The following MPDZ variants were observed in gnomAD, a reference collection of about 807,000 sequenced individuals.
MPDZ encodes the protein multiple PDZ domain protein.
A neutral mutation model predicts 239.1 loss-of-function variants in MPDZ; 234 were observed. The ratio of observed to expected loss-of-function variants is 0.98; its 90% CI spans 0.88 to 1.09. The LOEUF is 1.09. Ranked by LOEUF, MPDZ falls within the 50% of genes least tolerant of loss-of-function variation. The pLI is 0.00. For synonymous variants in MPDZ, 1,048 were observed against 881.3 expected, an observed-to-expected ratio of 1.19 and a Z score of -3.35; for missense variants, 3,175 against 2,510.0, an observed-to-expected ratio of 1.26 and a Z score of -5.66.
chr9:13,182,022 AGCATCAT>A (rs1209261149), intron 19 of MPDZ, among the ~76,000 whole-genome samples: 1 of 152,138 alleles, frequency 6.6e-6, no homozygotes, highest in Non-Finnish European at 1.5e-5. Flanking sequence ...GAGACTGCCC[AGCATCAT>A]TTGCAAGGAT....
At chr9:13,108,878 T>C in intron 46 of MPDZ, 58 bp downstream of exon 46, 1 of 1,559,832 alleles carries the variant, frequency 6.4e-7, no homozygotes, top group South Asian at 1.2e-5. Flanking sequence ...AGCCAGCTGC[T>C]GACCACTATT....
At chr9:13,167,682 C>T (rs1308028085) in intron 22 of MPDZ, among the ~76,000 whole-genome samples, 1 of 152,094 alleles carries the variant, frequency 6.6e-6, no homozygotes, top group Non-Finnish European at 1.5e-5. Context: ...AGGAAAATGC[C>T]ACATTGATGA....
chr9:13,232,490 A>G (rs1256748848), intron 3 of MPDZ, among the ~76,000 whole-genome samples: 2 of 152,060 alleles, frequency 1.3e-5, no homozygotes, highest in Non-Finnish European at 2.9e-5. Context: ...TTATTTATAA[A>G]CATACACATG....
At chr9:13,274,817 ACT>A (rs1349200964) in intron 1 of MPDZ, among the ~76,000 whole-genome samples, 1 of 152,226 alleles carries the variant, frequency 6.6e-6, no homozygotes, top group Non-Finnish European at 1.5e-5. Flanking sequence ...CTCAAAAACC[ACT>A]GAGACATTTA....
At chr9:13,226,575 G>C (rs1399218362) in intron 3 of MPDZ, among the ~76,000 whole-genome samples, 1 of 151,890 alleles carries the variant, frequency 6.6e-6, no homozygotes, top group Non-Finnish European at 1.5e-5. Flanking sequence ...TTTCATTCAG[G>C]TGTGCCTAAT....
intron 4 of MPDZ, among the ~76,000 whole-genome samples, chr9:13,224,032 CA>C (rs942979497): frequency 3.4e-5 from 5 of 148,284 alleles, no homozygotes; most frequent in East Asian, 2.0e-4. Context: ...AGGCATGTCT[CA>C]AAAAAAAACT....
chr9:13,156,505 C>T (rs1031269710), intron 24 of MPDZ, among the ~76,000 whole-genome samples: 1 of 152,114 alleles, frequency 6.6e-6, no homozygotes, highest in African/African-American at 2.4e-5. Flanking sequence ...TTGTGCAGGG[C>T]AACTCCCGTT....
intron 12 of MPDZ, among the ~76,000 whole-genome samples, chr9:13,203,171 A>G (rs961973480): frequency 2.0e-5 from 3 of 152,320 alleles, no homozygotes; most frequent in South Asian, 4.1e-4. Flanking sequence ...ATTAAAAATA[A>G]TAAAAGCAAA....
chr9:13,117,968 C>T (rs1358031696), intron 39 of MPDZ, among the ~76,000 whole-genome samples: 1 of 151,798 alleles, frequency 6.6e-6, no homozygotes, highest in East Asian at 1.9e-4. Flanking sequence ...CCTCAGCCTC[C>T]TGAGTAGCTG....
intron 23 of MPDZ, among the ~76,000 whole-genome samples, chr9:13,162,064 A>G (rs1950552081): frequency 6.6e-6 from 1 of 152,120 alleles, no homozygotes; most frequent in Non-Finnish European, 1.5e-5. Flanking sequence ...CAGAAGTTTG[A>G]GACCAGCCTG....
At chr9:13,267,662 T>C (rs1187143053) in intron 1 of MPDZ, among the ~76,000 whole-genome samples, 1 of 151,934 alleles carries the variant, frequency 6.6e-6, no homozygotes, top group African/African-American at 2.4e-5. Flanking sequence ...AGAAAAGACA[T>C]GGAGAAGAAT....
At chr9:13,257,200 T>C (rs1175904642) in intron 1 of MPDZ, among the ~76,000 whole-genome samples, 3 of 152,208 alleles carry the variant, frequency 2.0e-5, no homozygotes, top group Non-Finnish European at 4.4e-5. Context: ...AACAGCTCAA[T>C]GAATTCAATA....
rs116617689 is a variant in MPDZ, at chr9:13,117,619, T to A, written c.5379+1883A>T. Among the ~76,000 whole-genome samples the A allele has an allele frequency of 5.1e-3, 772 of 152,224 alleles. 5 individuals are homozygous for A. The highest frequency in any genetic ancestry group is 0.017 in the African/African-American group (713 of 41,534). ...GCTATTTATACCAAAGTTTATATAG[T>A]TTTTGTCAACCACATTGCTTCCAAT... On this transcript the variant is annotated intron_variant, in intron 39 of 46. Transcript: ENST00000319217.
At chr9:13,236,282 T>A (rs1159077466) in intron 3 of MPDZ, among the ~76,000 whole-genome samples, 17 of 85,466 alleles carry the variant, frequency 2.0e-4, no homozygotes, top group East Asian at 1.2e-3. Context: ...TTTTTTTTTT[T>A]TTTTTTTTTT....
rs1960167905 is a variant in MPDZ, at chr9:13,225,219, A to T, written c.184-636T>A. ...TTTAAAAAAAAATTAAGACTTTATA[A>T]AGGAAAAAAAAGTTACAGTAAGCTA... is the stretch of plus-strand genomic sequence containing the variant. On this transcript the variant is annotated intron_variant, in intron 3 of 46. Coordinates refer to ENST00000319217, the MANE Select transcript of MPDZ (RefSeq NM_001378778.1). Among the ~76,000 whole-genome samples the T allele has an allele frequency of 2.0e-5, 3 of 152,078 alleles. No individual in the cohort carries two copies. The South Asian group carries it at 6.2e-4, about 32-fold the overall frequency.
intron 10 of MPDZ, among the ~76,000 whole-genome samples, chr9:13,216,251 G>A (rs1045787643): frequency 6.6e-6 from 1 of 150,578 alleles, no homozygotes; most frequent in East Asian, 2.0e-4. Flanking sequence ...ACACATTGAT[G>A]TTACAACGAT....
rs777166147 is a variant in MPDZ at position 13,112,097 on chromosome 9, G to A, written c.5651C>T (p.Pro1884Leu). 6.2e-7 allele frequency: 1 copy of A among 1,613,414 alleles called. No individual in the cohort carries two copies. Among genetic ancestry groups the A allele is most frequent in the Non-Finnish European group, 8.5e-7 (1 of 1,179,474 alleles). ...GISIAGGVGS[P>L]LGDVPIFIAM... is the part of the protein sequence containing the mutation. Reference sequence around the variant, plus strand: ...AATAAATATAGGCACATCACCAAGTGGGCTGCCTACTCCTCCAGCGATGCT... The same window carrying A: ...AATAAATATAGGCACATCACCAAGTAGGCTGCCTACTCCTCCAGCGATGCT... Residue 1884 changes from proline (P) to leucine (L), a missense_variant, in exon 43 of 47, where the codon CCA becomes CTA. Coordinates refer to ENST00000319217, the MANE Select transcript of MPDZ (RefSeq NM_001378778.1).
At chr9:13,176,543 CA>C in intron 19 of MPDZ, 126 bp from the exon 20 acceptor site, 1 of 855,188 alleles carries the variant, frequency 1.2e-6, no homozygotes, top group Non-Finnish European at 1.7e-6. Flanking sequence ...ATTTATTACT[CA>C]AAAAGCATTA....
intron 36 of MPDZ, 35 bp downstream of exon 36, chr9:13,123,118 C>T (rs758332970): frequency 1.8e-5 from 28 of 1,555,922 alleles, no homozygotes; most frequent in African/African-American, 1.2e-4. Flanking sequence ...GGCTGAAGGA[C>T]GGCCTGTACA....
Sources: gnomAD v4.1 joint callset for allele counts (sites outside exome capture counted in the v4.1 genomes callset) on GRCh38, gnomAD v4.1.1 for gene constraint, MANE v1.5 for transcripts, NCBI Gene and HGNC (gene_info 2026-07-23, HGNC 2026-07-21) for gene names.